MYO9A: variants seen among roughly 807,000 people sequenced by gnomAD.
The protein encoded by MYO9A is myosin IXA, also known as unconventional myosin-IXa.
In MYO9A, 103 loss-of-function variants were observed where a neutral mutation model predicts 293.3. The ratio of observed to expected loss-of-function variants is 0.35; its 90% confidence interval spans 0.30 to 0.41. The LOEUF (loss-of-function observed/expected upper bound fraction) is 0.41. Ranked by LOEUF, MYO9A falls within the 10% of genes least tolerant of loss-of-function variation. The probability of loss-of-function intolerance (pLI) is 1.00; values close to 1 mark genes in which losing one functional copy is unlikely to be tolerated. For missense variants in MYO9A, 2,685 were observed against 3,033.0 expected (o/e 0.89, Z 2.69); for synonymous variants, 1,001 against 1,035.7 (o/e 0.97, Z 0.64).
intron 33 of MYO9A, 112 bp downstream of exon 33, chr15:71,862,387 TA>T: frequency 1.3e-6 from 1 of 773,690 alleles, no homozygotes; most frequent in Non-Finnish European, 2.2e-6. Context: ...GAGATGAGGT[TA>T]AAAATTTAGG....
chr15:71,859,828 A>T (rs1450864781), intron 33 of MYO9A, 32 bp from the exon 34 acceptor site: 1 of 1,575,944 alleles, frequency 6.3e-7, no homozygotes, highest in African/African-American at 1.4e-5. Context: ...CAACATTTTT[A>T]GAAGTCTGTA....
intron 19 of MYO9A, among the ~76,000 whole-genome samples, chr15:71,910,952 T>C (rs2057829142): frequency 1.3e-5 from 2 of 152,210 alleles, no homozygotes; most frequent in South Asian, 4.1e-4. Context: ...TATTAAAATA[T>C]ACACATTGTA....
At chr15:71,984,295 G>A (rs1323063761) in intron 11 of MYO9A, among the ~76,000 whole-genome samples, 1 of 152,164 alleles carries the variant, frequency 6.6e-6, no homozygotes, top group Admixed American at 6.5e-5. Flanking sequence ...ATGCATTTTT[G>A]ACTTAAAATA....
chr15:72,020,664 C>T (rs1226254208), intron 5 of MYO9A, among the ~76,000 whole-genome samples: 2 of 152,020 alleles, frequency 1.3e-5, no homozygotes, highest in African/African-American at 4.8e-5. Context: ...TATCAATAAA[C>T]AGCTTATTAT....
chr15:71,932,597 C>T (rs894902301), intron 18 of MYO9A, among the ~76,000 whole-genome samples: 2 of 151,396 alleles, frequency 1.3e-5, no homozygotes, highest in African/African-American at 4.9e-5. Flanking sequence ...CAAACAATGG[C>T]TAGAGAAGTA....
chr15:72,010,281 G>A, intron 7 of MYO9A, 69 bp downstream of exon 7: 2 of 1,302,090 alleles, frequency 1.5e-6, no homozygotes, highest in South Asian at 1.3e-5. Flanking sequence ...AAGGTCAACG[G>A]CAGAAATCTT....
At chr15:71,861,679 T>TAAAAAAAAAA (rs66598621) in intron 33 of MYO9A, among the ~76,000 whole-genome samples, 5 of 82,926 alleles carry the variant, frequency 6.0e-5, no homozygotes, top group African/African-American at 1.7e-4. Context: ...ACTGATGATA[T>TAAAAAAAAAA]AAAAAAAAAA....
intron 18 of MYO9A, 67 bp from the exon 19 acceptor site, chr15:71,916,559 AG>A: frequency 2.0e-6 from 3 of 1,480,300 alleles, no homozygotes; most frequent in Middle Eastern, 2.4e-4. Context: ...ATTCTCAGCC[AG>A]TTTTCATCAT....
intron 1 of MYO9A, among the ~76,000 whole-genome samples, chr15:72,091,380 G>A (rs1482531323): frequency 6.6e-6 from 1 of 151,956 alleles, no homozygotes; most frequent in Non-Finnish European, 1.5e-5. Context: ...TTCTTTTCTT[G>A]TTTTTCTTTT....
At chr15:71,972,845 C>T (rs2076048481) in intron 12 of MYO9A, among the ~76,000 whole-genome samples, 1 of 151,840 alleles carries the variant, frequency 6.6e-6, no homozygotes, top group African/African-American at 2.4e-5. Context: ...CTGCTATGCT[C>T]GGTTATTAAA....
At chr15:72,103,136 C>T (rs2080419342) in intron 1 of MYO9A, among the ~76,000 whole-genome samples, 2 of 146,356 alleles carry the variant, frequency 1.4e-5, no homozygotes, top group South Asian at 4.5e-4. Flanking sequence ...GCGGAGGTTG[C>T]AGTGAGCCAA....
intron 28 of MYO9A, among the ~76,000 whole-genome samples, chr15:71,882,243 AC>A (rs2056894290): frequency 6.6e-6 from 1 of 152,214 alleles, no homozygotes; most frequent in Non-Finnish European, 1.5e-5. Flanking sequence ...CACCCACATT[AC>A]CATATATCCA....
At chr15:71,896,296 T>C (rs2057324536) in intron 25 of MYO9A, among the ~76,000 whole-genome samples, 1 of 152,228 alleles carries the variant, frequency 6.6e-6, no homozygotes, top group African/African-American at 2.4e-5. Context: ...TCATTGTTAA[T>C]GTAAAATTTA....
At chr15:71,927,671 G>A (rs1456878418) in intron 18 of MYO9A, among the ~76,000 whole-genome samples, 1 of 152,044 alleles carries the variant, frequency 6.6e-6, no homozygotes, top group Non-Finnish European at 1.5e-5. Flanking sequence ...CCCTGATATG[G>A]ATGACTGTAT....
intron 8 of MYO9A, among the ~76,000 whole-genome samples, chr15:72,001,078 A>C (rs1305796417): frequency 1.3e-5 from 2 of 152,218 alleles, no homozygotes; most frequent in Admixed American, 1.3e-4. Flanking sequence ...TCTCAGCAGT[A>C]GCACTGAGAG....
chr15:71,945,171 C>T (rs1302093532), intron 15 of MYO9A, among the ~76,000 whole-genome samples: 5 of 152,120 alleles, frequency 3.3e-5, no homozygotes, highest in African/African-American at 1.2e-4. Flanking sequence ...TCTGACTCAA[C>T]ATGTCTCAAG....
intron 19 of MYO9A, among the ~76,000 whole-genome samples, chr15:71,905,762 CAAAAAAAAA>C (rs3086807): frequency 7.0e-5 from 5 of 71,896 alleles, no homozygotes; most frequent in Admixed American, 2.0e-4. Flanking sequence ...GACTCTGTCT[CAAAAAAAAA>C]AAAAAAAAAA....
intron 1 of MYO9A, among the ~76,000 whole-genome samples, chr15:72,091,168 C>T (rs903477887): frequency 5.3e-5 from 8 of 150,548 alleles, no homozygotes; most frequent in African/African-American, 1.5e-4. Flanking sequence ...CACTGCACCA[C>T]AGCCTGCATA....
At chr15:71,972,247 T>C (rs2076031017) in intron 12 of MYO9A, 2 of 152,174 alleles carry the variant, frequency 1.3e-5, no homozygotes, top group Admixed American at 1.3e-4. Context: ...TCCTGGAAGG[T>C]AGAGTGCCCA....
Sources: gnomAD v4.1 joint callset for allele counts (sites outside exome capture counted in the v4.1 genomes callset) on GRCh38, gnomAD v4.1.1 for gene constraint, MANE v1.5 for transcripts, NCBI Gene and HGNC (gene_info 2026-07-23, HGNC 2026-07-21) for gene names.